ZNF23: variants seen among roughly 807,000 people sequenced by gnomAD.
ZNF23 encodes the protein kruppel-like zinc finger factor X31.
Under a neutral mutation model 56.2 loss-of-function variants are expected in ZNF23, and 48 were observed. That is an observed-to-expected ratio of 0.85 (90% confidence interval 0.68 to 1.09). ZNF23 has a LOEUF of 1.09. Among genes scored for constraint, ZNF23 ranks in the 50% least tolerant of loss-of-function variants. The pLI is 0.00. For missense variants in ZNF23, 805 were observed against 811.4 expected, an observed-to-expected ratio of 0.99 and a Z score of 0.10; for synonymous variants, 266 against 283.3, an observed-to-expected ratio of 0.94 and a Z score of 0.61.
In ZNF23 at chr16:71,447,943, T is replaced by C. The variant is rs561826557; in HGVS notation, c.*150A>G. ...TGTTTCTCTTTAACTGGTCATCCTTTCCTGATTTAAACTGAATAGAATAAA... is the reference window on the plus strand; with the variant it reads ...TGTTTCTCTTTAACTGGTCATCCTTCCCTGATTTAAACTGAATAGAATAAA... On this transcript the variant is annotated 3_prime_UTR_variant, in exon 5 of 5. Coordinates refer to ENST00000647773, the MANE Select transcript of ZNF23 (RefSeq NM_001381984.1). The C allele has an allele frequency of 1.1e-5, 6 of 537,550 alleles. No homozygotes were observed. The East Asian group carries it at 1.9e-4, about 17-fold the overall frequency. The allele number at this position is 537,550 out of a possible 1,614,324, so 33.3% of individuals were successfully genotyped here. A position where few individuals can be genotyped will look rare whatever the true frequency, so the allele number is the denominator to read the frequency against.
At chr16:71,460,533 C>T (rs2043405949) in intron 1 of ZNF23, among the ~76,000 whole-genome samples, 1 of 152,162 alleles carries the variant, frequency 6.6e-6, no homozygotes, top group African/African-American at 2.4e-5. Context: ...CAGAGCACAG[C>T]AAAGTAAGTT....
intron 2 of ZNF23, chr16:71,456,147 T>G (rs938057649): frequency 2.3e-6 from 1 of 441,176 alleles, no homozygotes; most frequent in African/African-American, 2.0e-5. Context: ...AAATTTGGTT[T>G]GCAGGTTTAT....
intron 2 of ZNF23, among the ~76,000 whole-genome samples, chr16:71,454,596 C>T (rs1003180798): frequency 6.6e-6 from 1 of 152,110 alleles, no homozygotes. Context: ...CAAGCCACCC[C>T]CAAAGATCAT....
At chr16:71,455,042 C>T (rs1307683952) in intron 2 of ZNF23, among the ~76,000 whole-genome samples, 1 of 152,154 alleles carries the variant, frequency 6.6e-6, no homozygotes, top group African/African-American at 2.4e-5. Context: ...GGATCTGCTG[C>T]TCAACTCCTC....
At position 71,448,593 on chromosome 16, in the gene ZNF23, A is replaced by T; in HGVS notation, c.1561T>A (p.Cys521Ser). Residue 521 changes from cysteine to serine, a missense_variant, in exon 5 of 5, where the codon TGT becomes AGT. Physicochemically the swap from Cys to Ser is moderately radical, Grantham distance 112. Coordinates refer to ENST00000647773, the MANE Select transcript of ZNF23 (RefSeq NM_001381984.1). ...RIHTGEKPFE[C>S]NECGRCFTSK... ...GTAAAGCATCTCCCACACTCATTAC[A>T]TTCAAAAGGTTTCTCCCCAGTGTGA... 2 of 1,614,118 alleles carry T rather than the reference A, an allele frequency of 1.2e-6. No homozygotes were observed. Among genetic ancestry groups the T allele is most frequent in the Non-Finnish European group, 1.7e-6 (2 of 1,180,022 alleles).
Position 71,448,691 on chromosome 16 carries a change from T to C in ZNF23, c.1463A>G (p.Glu488Gly). Residue 488 changes from glutamate to glycine, a missense_variant, in exon 5 of 5, where the codon GAG becomes GGG. By Grantham distance (98) the Glu-to-Gly change is moderately conservative (BLOSUM62 -2). Transcript: ENST00000647773. ...ACACTCATTACACTCATAGGGCTTC[T>C]CCCCAGTGTGAATTCTCAGATGCTG... Reference protein sequence around the residue: ...FRQHLRIHTGEKPYECNECGK... With the variant: ...FRQHLRIHTGGKPYECNECGK... 6.2e-7 allele frequency: 1 copy of C among 1,614,244 alleles called. No individual in the cohort carries two copies. Among genetic ancestry groups the C allele is most frequent in the Non-Finnish European group, 8.5e-7 (1 of 1,180,040 alleles).
At position 71,454,098 on chromosome 16, in the gene ZNF23, T is replaced by G; in HGVS notation, c.104A>C (p.Gln35Pro). The G allele has an allele frequency of 6.2e-7, 1 of 1,614,098 alleles. No individual in the cohort carries two copies. Among genetic ancestry groups the G allele is most frequent in the Non-Finnish European group, 8.5e-7 (1 of 1,179,992 alleles). Residue 35 changes from glutamine (Q) to proline (P), a missense_variant, in exon 3 of 5, where the codon CAG (glutamine) becomes CCG (proline). Transcript: ENST00000647773. ...CATCACATCCCTGTACAGGGTCCTCTGTGCAGGGGACAGGCCATCCCATTC... is the reference window on the plus strand; with the variant it reads ...CATCACATCCCTGTACAGGGTCCTCGGTGCAGGGGACAGGCCATCCCATTC... ...QAEWDGLSPA[Q>P]RTLYRDVMLE... is the part of the protein sequence containing the mutation.
chr16:71,448,308 C>T lies in ZNF23; in HGVS notation c.1846G>A (p.Ala616Thr). The stretch of plus-strand genomic sequence containing the variant: ...CTTCTCTGATGCCGAATTAAATGGG[C>T]ATTAACATGGAAGGCTTTTCCACAC... ...KECGKAFHVN[A>T]HLIRHQRSHT... The change falls in exon 5 of 5, where the codon GCC becomes ACC. Residue 616 changes from alanine to threonine, a missense_variant. Transcript: ENST00000647773. The T allele has an allele frequency of 1.2e-6, 2 of 1,613,778 alleles. No homozygotes were observed. The highest frequency in any genetic ancestry group is 8.5e-7 in the Non-Finnish European group (1 of 1,179,912).
At chr16:71,450,011 T>C (rs1038643595) in intron 4 of ZNF23, 126 bp from the exon 5 acceptor site, 44 of 692,174 alleles carry the variant, frequency 6.4e-5, no homozygotes, top group Admixed American at 1.0e-4. Context: ...TCAAAAAACA[T>C]AGGGTTTCTC....
intron 2 of ZNF23, among the ~76,000 whole-genome samples, chr16:71,455,397 C>T (rs2043192780): frequency 6.6e-6 from 1 of 152,112 alleles, no homozygotes; most frequent in African/African-American, 2.4e-5. Flanking sequence ...CGCTCTGTCA[C>T]CCAGGCTGAA....
chr16:71,454,036 T>TCTTA lies in ZNF23; in HGVS notation c.160+2_160+5dup, dbSNP rs1440502634. ...ATTCCAGGTTCCCAGGGTAGAGAGG[T>TCTTA]CTTACCCAGGGAGGCCACATTCCCA... On this transcript the variant is annotated splice_donor_region_variant and intron_variant, in intron 3 of 4. Coordinates refer to ENST00000647773, the MANE Select transcript of ZNF23 (RefSeq NM_001381984.1). 6.2e-7 allele frequency: 1 copy of TCTTA among 1,613,768 alleles called. No homozygotes were observed.
rs564929158 is a variant in ZNF23 at position 71,458,456 on chromosome 16, T to C, written c.-32-1628A>G. ...TCTTCTTTTGAATATATGTGCTTTC[T>C]AGACCTTTTTCCCAGGGTTAGAGTT... On this transcript the variant is annotated intron_variant, in intron 1 of 4. Coordinates refer to ENST00000647773, the MANE Select transcript of ZNF23 (RefSeq NM_001381984.1). Among the ~76,000 whole-genome samples the C allele has an allele frequency of 2.1e-4, 32 of 152,354 alleles. No homozygotes were observed. The South Asian group carries it at 6.4e-3, about 31-fold the overall frequency.
Position 71,448,190 on chromosome 16 carries a change from C to G in ZNF23, c.1964G>C (p.Trp655Ser). The G allele has an allele frequency of 6.2e-7, 1 of 1,614,242 alleles. No individual in the cohort carries two copies. Among genetic ancestry groups the G allele is most frequent in the Non-Finnish European group, 8.5e-7 (1 of 1,180,038 alleles). The change falls in exon 5 of 5, where the codon TGG (tryptophan) becomes TCG (serine). Residue 655 changes from tryptophan to serine, a missense_variant. By Grantham distance (177) the Trp-to-Ser change is radical. Coordinates refer to ENST00000647773, the MANE Select transcript of ZNF23 (RefSeq NM_001381984.1). ...CACACTACACATATAGGGTTTCTTCCAAGTGTGGACTGTCTGATGTATAAT... is the reference window on the plus strand; with the variant it reads ...CACACTACACATATAGGGTTTCTTCGAAGTGTGGACTGTCTGATGTATAAT... ...DYIIHQTVHT[W>S]KKPYMCSVCG...
Position 71,448,795 on chromosome 16 carries a change from G to A in ZNF23, c.1359C>T (p.His453=). 1.2e-6 allele frequency: 2 copies of A among 1,614,092 alleles called. No individual in the cohort carries two copies. Among genetic ancestry groups the A allele is most frequent in the Non-Finnish European group, 1.7e-6 (2 of 1,180,014 alleles). The change falls in exon 5 of 5, where the codon CAC becomes CAT. Residue 453 remains histidine (H), a synonymous_variant. Transcript: ENST00000647773. ...AFSVKGKLIQ[H]QRIHTGEKPY... is the part of the protein sequence containing the mutation. Reference sequence around the variant, plus strand: ...GTTTCTCGCCTGTGTGAATTCTCTGGTGTTGGATTAACTTCCCTTTGACAC... The same window carrying A: ...GTTTCTCGCCTGTGTGAATTCTCTGATGTTGGATTAACTTCCCTTTGACAC...
intron 2 of ZNF23, among the ~76,000 whole-genome samples, chr16:71,455,680 A>C (rs75113454): frequency 0.012 from 1,779 of 152,142 alleles, 20 homozygotes; most frequent in Non-Finnish European, 0.019. Flanking sequence ...CTTAAGCATT[A>C]CTTGAATTGG....
In ZNF23 at chr16:71,448,294, C is replaced by A. The variant is rs140647645; in HGVS notation, c.1860G>T (p.Arg620=). ...TCTCCCCAGTGTGGCTTCTCTGATG[C>A]CGAATTAAATGGGCATTAACATGGA... The part of the protein sequence containing the change: ...KAFHVNAHLI[R]HQRSHTGEKP... The change falls in exon 5 of 5, where the codon CGG becomes CGT. Residue 620 remains arginine, a synonymous_variant. Transcript: ENST00000647773. 1 of 1,614,112 alleles carries A rather than the reference C, an allele frequency of 6.2e-7. No individual in the cohort carries two copies. The highest frequency in any genetic ancestry group is 8.5e-7 in the Non-Finnish European group (1 of 1,180,016).
intron 4 of ZNF23, 96 bp downstream of exon 4, chr16:71,453,147 T>A: frequency 1.2e-6 from 1 of 815,908 alleles, no homozygotes; most frequent in Non-Finnish European, 2.0e-6. Context: ...TCTGTATGAC[T>A]GGCCAATAAA....
At position 71,449,774 on chromosome 16, in the gene ZNF23, G is replaced by C; in HGVS notation, c.380C>G (p.Ser127Cys). 1 of 1,614,096 alleles carries C rather than the reference G, an allele frequency of 6.2e-7. No individual in the cohort carries two copies. The highest frequency in any genetic ancestry group is 1.7e-5 in the Admixed American group (1 of 60,016). Residue 127 changes from serine (S) to cysteine (C), a missense_variant, in exon 5 of 5, where the codon TCT becomes TGT. Ser to Cys is a moderately radical substitution (Grantham distance 112). Transcript: ENST00000647773. ...FSQETDFSEA[S>C]LLEKQQEVHS... ...GACTTCCTGTTGTTTCTCTAGAAGA[G>C]AGGCTTCTGAAAAGTCTGTTTCCTG... is the stretch of plus-strand genomic sequence containing the variant.
At chr16:71,460,362 A>G (rs2043398586) in intron 1 of ZNF23, among the ~76,000 whole-genome samples, 1 of 151,988 alleles carries the variant, frequency 6.6e-6, no homozygotes, top group Admixed American at 6.6e-5. Flanking sequence ...CTGTTATGAC[A>G]TTATATAGAT....
Sources: allele counts gnomAD v4.1 joint callset (sites outside exome capture counted in the v4.1 genomes callset), GRCh38; gene constraint gnomAD v4.1.1; transcripts MANE v1.5; gene names NCBI Gene and HGNC (gene_info 2026-07-23, HGNC 2026-07-21).